COL25A1: variants seen among roughly 807,000 people sequenced by gnomAD.
COL25A1 encodes collagen type XXV alpha 1 chain.
COL25A1 carries 103 observed loss-of-function variants against 128.4 expected under a neutral mutation model. The ratio of observed to expected loss-of-function variants is 0.80; its 90% CI spans 0.68 to 0.94. The LOEUF (loss-of-function observed/expected upper bound fraction) is 0.94. COL25A1 is among the 40% of genes least tolerant of loss of function. COL25A1 has a pLI of 0.00. For synonymous variants in COL25A1, 279 were observed against 277.2 expected (o/e 1.01, Z -0.06); for missense variants, 745 against 840.0 (o/e 0.89, Z 1.40).
intron 27 of COL25A1, among the ~76,000 whole-genome samples, chr4:108,846,713 A>G (rs1563005): frequency 0.78 from 118,738 of 151,884 alleles, 47,027 homozygotes; most frequent in South Asian, 0.88. Context: ...CTACAGACTG[A>G]TAAATCACTG....
chr4:109,175,992 A>C (rs1425409755), intron 3 of COL25A1, among the ~76,000 whole-genome samples: 2 of 152,220 alleles, frequency 1.3e-5, no homozygotes, highest in Non-Finnish European at 2.9e-5. Flanking sequence ...TGTATAATAG[A>C]CCATAAATGT....
chr4:109,204,081 T>C (rs886799332), intron 3 of COL25A1, among the ~76,000 whole-genome samples: 6 of 152,116 alleles, frequency 3.9e-5, no homozygotes, highest in Non-Finnish European at 8.8e-5. Flanking sequence ...TTATTAGAAA[T>C]AGGAAGGTAA....
At position 109,014,807 on chromosome 4, in the gene COL25A1, C is replaced by T. The variant is rs563478515; in HGVS notation, c.421-4432G>A. Among the ~76,000 whole-genome samples, 11 of 152,254 alleles carry T rather than the reference C, an allele frequency of 7.2e-5. No individual in the cohort carries two copies. In the South Asian group the frequency reaches 8.3e-4, roughly 11 times the overall value. ...GAAAAGAGGAAGTGGTTGATAGAGA[C>T]GCTTCCCAGAGAAACAAAGCATACA... is the stretch of plus-strand genomic sequence containing the variant. On this transcript the variant is annotated intron_variant, in intron 5 of 37. Transcript: ENST00000399132.
chr4:109,160,656 T>C lies in COL25A1; in HGVS notation c.368-110477A>G, dbSNP rs951048462. Among the ~76,000 whole-genome samples the C allele has an allele frequency of 4.5e-4, 69 of 152,280 alleles. 1 individual carries two copies. The highest frequency in any genetic ancestry group is 1.6e-3 in the African/African-American group (66 of 41,556). On this transcript the variant is annotated intron_variant, in intron 3 of 37. Coordinates refer to ENST00000399132, the MANE Select transcript of COL25A1 (RefSeq NM_198721.4). The stretch of plus-strand genomic sequence containing the variant: ...CACTAATTACTACAAGACTGGCCTA[T>C]TGTTGGTCCTACAAACAGTCAGTGA...
intron 5 of COL25A1, among the ~76,000 whole-genome samples, chr4:109,030,985 T>G (rs1758798234): frequency 6.6e-6 from 1 of 152,112 alleles, no homozygotes; most frequent in South Asian, 2.1e-4. Context: ...GTGATCCACC[T>G]ACCTCAGCCT....
At chr4:109,082,532 T>C (rs949097651) in intron 3 of COL25A1, among the ~76,000 whole-genome samples, 1 of 152,220 alleles carries the variant, frequency 6.6e-6, no homozygotes, top group African/African-American at 2.4e-5. Flanking sequence ...TCATGTGCAT[T>C]TTCCTGATTA....
chr4:109,265,008 C>T (rs1781693763), intron 3 of COL25A1, among the ~76,000 whole-genome samples: 1 of 151,832 alleles, frequency 6.6e-6, no homozygotes, highest in South Asian at 2.1e-4. Flanking sequence ...TTTATAATGC[C>T]TTTTTTTGTA....
chr4:109,257,193 A>G (rs568336482), intron 3 of COL25A1, among the ~76,000 whole-genome samples: 2 of 152,344 alleles, frequency 1.3e-5, no homozygotes, highest in South Asian at 4.1e-4. Flanking sequence ...TATATTTCAT[A>G]TATCATGTTC....
chr4:109,286,073 T>C (rs1349851080), intron 3 of COL25A1, among the ~76,000 whole-genome samples: 2 of 152,188 alleles, frequency 1.3e-5, no homozygotes, highest in East Asian at 1.9e-4. Flanking sequence ...CTTTCAAAAG[T>C]TGTCTGTCAT....
chr4:108,838,108 A>G, intron 31 of COL25A1: 2 of 1,549,252 alleles, frequency 1.3e-6, no homozygotes, highest in Middle Eastern at 1.7e-4. Context: ...TGGAAGACCA[A>G]GGGGTCCTCT....
intron 11 of COL25A1, among the ~76,000 whole-genome samples, chr4:108,929,011 C>T (rs554140086): frequency 7.2e-5 from 11 of 152,332 alleles, no homozygotes; most frequent in Admixed American, 1.3e-4. Flanking sequence ...CACTCTGATG[C>T]TGTTCTGTGA....
At chr4:109,226,388 A>C (rs559290581) in intron 3 of COL25A1, among the ~76,000 whole-genome samples, 1 of 152,266 alleles carries the variant, frequency 6.6e-6, no homozygotes, top group African/African-American at 2.4e-5. Flanking sequence ...AAAAGAAAAA[A>C]TAATTTTTCT....
intron 3 of COL25A1, among the ~76,000 whole-genome samples, chr4:109,294,508 A>G (rs1432727178): frequency 7.2e-5 from 11 of 152,140 alleles, no homozygotes; most frequent in Non-Finnish European, 1.5e-5. Flanking sequence ...GGCATACTAC[A>G]GTAATTTTTA....
chr4:109,290,540 T>A (rs1724367246), intron 3 of COL25A1, among the ~76,000 whole-genome samples: 1 of 152,106 alleles, frequency 6.6e-6, no homozygotes, highest in Admixed American at 6.6e-5. Context: ...TAAGTCACAC[T>A]TGTCAGACTT....
At chr4:109,184,280 A>C (rs368535887) in intron 3 of COL25A1, among the ~76,000 whole-genome samples, 2 of 152,176 alleles carry the variant, frequency 1.3e-5, no homozygotes, top group Admixed American at 1.3e-4. Context: ...CATAAATCTA[A>C]AATCCCTCTA....
chr4:108,888,362 T>C (rs993509380), intron 18 of COL25A1, among the ~76,000 whole-genome samples: 2 of 152,210 alleles, frequency 1.3e-5, no homozygotes, highest in Admixed American at 1.3e-4. Flanking sequence ...ATTCATATGT[T>C]TATCTACAGC....
chr4:109,203,697 G>A (rs895584444), intron 3 of COL25A1, among the ~76,000 whole-genome samples: 3 of 151,392 alleles, frequency 2.0e-5, no homozygotes, highest in African/African-American at 4.8e-5. Flanking sequence ...GAAATAAATA[G>A]TAAAGGGTGC....
intron 3 of COL25A1, among the ~76,000 whole-genome samples, chr4:109,271,598 A>C (rs189220608): frequency 2.0e-5 from 3 of 152,270 alleles, no homozygotes; most frequent in Admixed American, 2.0e-4. Flanking sequence ...AGCCTCTGTA[A>C]TTCATTATAT....
intron 3 of COL25A1, among the ~76,000 whole-genome samples, chr4:109,153,502 A>T (rs1771723329): frequency 6.6e-6 from 1 of 152,160 alleles, no homozygotes; most frequent in Middle Eastern, 3.2e-3. Flanking sequence ...ATTTCACAAG[A>T]GGGCTCTATT....
Sources: gnomAD v4.1 joint callset for allele counts (sites outside exome capture counted in the v4.1 genomes callset) on GRCh38, gnomAD v4.1.1 for gene constraint, MANE v1.5 for transcripts, NCBI Gene and HGNC (gene_info 2026-07-23, HGNC 2026-07-21) for gene names.